TMEM50A: variants seen among roughly 807,000 people sequenced by gnomAD.
TMEM50A encodes transmembrane protein 50A.
Under a neutral mutation model 23.9 loss-of-function variants are expected in TMEM50A, and 8 were observed. That is an observed-to-expected ratio of 0.33 (90% CI 0.20 to 0.60). TMEM50A has a LOEUF of 0.60. TMEM50A is among the 20% of genes least tolerant of loss of function. The pLI is 0.81. For synonymous variants in TMEM50A, 55 were observed against 60.4 expected (o/e 0.91, Z 0.41); for missense variants, 178 against 192.7 (o/e 0.92, Z 0.45).
chr1:25,353,721 G>C (rs1328612671), intron 5 of TMEM50A, among the ~76,000 whole-genome samples: 1 of 152,186 alleles, frequency 6.6e-6, no homozygotes, highest in Admixed American at 6.5e-5. Context: ...GACCCTGGGA[G>C]AAATTTCACC....
chr1:25,355,203 G>A (rs1645321889), intron 5 of TMEM50A, among the ~76,000 whole-genome samples: 1 of 151,890 alleles, frequency 6.6e-6, no homozygotes, highest in Admixed American at 6.6e-5. Flanking sequence ...CAGCTACTTG[G>A]GAGGCTGAGG....
intron 6 of TMEM50A, 138 bp downstream of exon 6, chr1:25,356,991 A>G: frequency 1.6e-6 from 1 of 618,388 alleles, no homozygotes; most frequent in East Asian, 3.0e-5. Flanking sequence ...ATGGAGAGTA[A>G]GGTTGAGAAG....
At chr1:25,341,873 T>TG (rs1645172239) in intron 2 of TMEM50A, among the ~76,000 whole-genome samples, 1 of 118,284 alleles carries the variant, frequency 8.5e-6, no homozygotes. Context: ...TTTTGTTTTT[T>TG]TTTTTGTTTG....
At position 25,340,475 on chromosome 1, in the gene TMEM50A, G is replaced by T; in HGVS notation, c.-12G>T. ...ATTGTTTGTTTGTTTGTTTTTAAGT[G>T]ACCTGAAAAAAATGTCTGGATTTCT... On this transcript the variant is annotated splice_region_variant and 5_prime_UTR_variant, in exon 2 of 7. Transcript: ENST00000374358. 1 of 1,608,242 alleles carries T rather than the reference G, an allele frequency of 6.2e-7. No individual in the cohort carries two copies. The highest frequency in any genetic ancestry group is 1.1e-5 in the South Asian group (1 of 89,828).
rs192262651 is a variant in TMEM50A, at chr1:25,348,778, T to C, written c.207-2848T>C. ...CATTTTGACAGATATTCTACCAGTG[T>C]TCTCTTCTGTTTTCTCTTTCTCTAA... On this transcript the variant is annotated intron_variant, in intron 3 of 6. Coordinates refer to ENST00000374358, the MANE Select transcript of TMEM50A (RefSeq NM_014313.4). Among the ~76,000 whole-genome samples the C allele has an allele frequency of 1.4e-4, 22 of 152,280 alleles. 1 individual carries two copies. In the East Asian group the frequency reaches 3.5e-3, roughly 24 times the overall value.
At chr1:25,358,533 A>G (rs1448082867) in intron 6 of TMEM50A, among the ~76,000 whole-genome samples, 1 of 152,218 alleles carries the variant, frequency 6.6e-6, no homozygotes, top group Non-Finnish European at 1.5e-5. Context: ...AGAAAGAGCC[A>G]CCAGTTGGTA....
rs369749615 is a variant in TMEM50A at position 25,346,252 on chromosome 1, TTTTTCTTTTC to T, written c.206+3190_206+3199del. ...CAACTCTCTCTGTGGGCCTTTCTTT[TTTTTCTTTTC>T]TTTTCTTTTCATGTTAGACGTGTAA... is the stretch of plus-strand genomic sequence containing the variant. On this transcript the variant is annotated intron_variant, in intron 3 of 6. Transcript: ENST00000374358. Among the ~76,000 whole-genome samples the T allele has an allele frequency of 3.3e-5, 5 of 152,156 alleles. No homozygotes were observed. The East Asian group carries it at 7.7e-4, about 23-fold the overall frequency.
intron 2 of TMEM50A, among the ~76,000 whole-genome samples, chr1:25,341,308 C>T (rs998349893): frequency 6.6e-6 from 1 of 151,582 alleles, no homozygotes; most frequent in Non-Finnish European, 1.5e-5. Flanking sequence ...CCCAGGCTGG[C>T]GTGCAGTGGC....
intron 3 of TMEM50A, among the ~76,000 whole-genome samples, chr1:25,348,822 A>G (rs1360989558): frequency 6.6e-6 from 1 of 152,166 alleles, no homozygotes; most frequent in Non-Finnish European, 1.5e-5. Context: ...TATATGTTTT[A>G]AAAGTAATAT....
Position 25,361,991 on chromosome 1 carries a change from T to G in TMEM50A, c.*1286T>G, listed in dbSNP as rs551912872. 2.2e-5 allele frequency: 4 copies of G among 179,890 alleles called. No individual in the cohort carries two copies. Among genetic ancestry groups the G allele is most frequent in the Admixed American group, 1.1e-4 (2 of 18,212 alleles). 11.1% of individuals were successfully genotyped at this position (179,890 alleles called of 1,614,324 possible). A position where few individuals can be genotyped will look rare whatever the true frequency, so the allele number is the denominator to read the frequency against. ...GACTTCCTCACGGTCACAGAACTAG[T>G]TTTTTAATCCTCAGGCAGTGCATCC... On this transcript the variant is annotated 3_prime_UTR_variant, in exon 7 of 7. Coordinates refer to ENST00000374358, the MANE Select transcript of TMEM50A (RefSeq NM_014313.4).
intron 1 of TMEM50A, among the ~76,000 whole-genome samples, chr1:25,339,922 A>G (rs1441468562): frequency 6.6e-6 from 1 of 152,064 alleles, no homozygotes. Flanking sequence ...ATATATCCAA[A>G]CCATTTATTT....
chr1:25,350,344 TTTTACC>T (rs1645263465), intron 3 of TMEM50A, among the ~76,000 whole-genome samples: 1 of 152,192 alleles, frequency 6.6e-6, no homozygotes, highest in Non-Finnish European at 1.5e-5. Flanking sequence ...AAAATTATCT[TTTTACC>T]TGTTCCAATC....
chr1:25,358,496 C>G (rs1173497919), intron 6 of TMEM50A, among the ~76,000 whole-genome samples: 2 of 152,248 alleles, frequency 1.3e-5, no homozygotes, highest in Non-Finnish European at 2.9e-5. Flanking sequence ...TACTGAAGCC[C>G]TCTTGAAATA....
At chr1:25,340,687 C>T (rs1645158536) in intron 2 of TMEM50A, 108 bp downstream of exon 2, 3 of 720,706 alleles carry the variant, frequency 4.2e-6, no homozygotes, top group South Asian at 4.8e-5. Flanking sequence ...TATCTTTGAC[C>T]ACTTTGACCA....
intron 5 of TMEM50A, among the ~76,000 whole-genome samples, chr1:25,353,843 A>T (rs901940907): frequency 2.0e-5 from 3 of 152,188 alleles, no homozygotes; most frequent in Non-Finnish European, 4.4e-5. Context: ...ACCAGGTTAT[A>T]TATATTCTGC....
intron 1 of TMEM50A, among the ~76,000 whole-genome samples, chr1:25,340,074 T>G (rs1298536150): frequency 6.6e-6 from 1 of 152,128 alleles, no homozygotes; most frequent in Non-Finnish European, 1.5e-5. Context: ...GTAGCTGCGA[T>G]TACAGACATG....
intron 3 of TMEM50A, among the ~76,000 whole-genome samples, chr1:25,347,237 CT>C (rs111684866): frequency 3.5e-4 from 51 of 146,872 alleles, no homozygotes; most frequent in East Asian, 6.0e-4. Flanking sequence ...TTCTGTAGAC[CT>C]TTTTTTTTTT....
At chr1:25,343,826 T>C (rs1485783025) in intron 3 of TMEM50A, among the ~76,000 whole-genome samples, 1 of 152,062 alleles carries the variant, frequency 6.6e-6, no homozygotes, top group African/African-American at 2.4e-5. Context: ...AAACAGCAAG[T>C]ACAAAGGCTT....
At chr1:25,346,190 C>T (rs1419767539) in intron 3 of TMEM50A, among the ~76,000 whole-genome samples, 1 of 151,780 alleles carries the variant, frequency 6.6e-6, no homozygotes, top group Non-Finnish European at 1.5e-5. Context: ...TTCTAAGGGC[C>T]TTTGTTTCCT....
Sources: allele counts gnomAD v4.1 joint callset (sites outside exome capture counted in the v4.1 genomes callset), GRCh38; gene constraint gnomAD v4.1.1; transcripts MANE v1.5; gene names NCBI Gene and HGNC (gene_info 2026-07-23, HGNC 2026-07-21).